Variants in ABCC8 observed in about 807,000 individuals in gnomAD.
ABCC8 encodes the protein ATP binding cassette subfamily C member 8.
In ABCC8, 137 loss-of-function variants were observed where a neutral mutation model predicts 188.0. The ratio of observed to expected loss-of-function variants is 0.73; its 90% CI spans 0.63 to 0.84. The LOEUF (loss-of-function observed/expected upper bound fraction) is 0.84. Ranked by LOEUF, ABCC8 falls within the 40% of genes least tolerant of loss-of-function variation. The pLI, the probability that ABCC8 is intolerant of heterozygous loss-of-function variation, is 0.00. For synonymous variants in ABCC8, 797 were observed against 846.5 expected, an observed-to-expected ratio of 0.94 and a Z score of 1.01; for missense variants, 1,750 against 2,072.7, an observed-to-expected ratio of 0.84 and a Z score of 3.02.
At chr11:17,406,843 C>T in intron 25 of ABCC8, 45 bp downstream of exon 25, 2 of 1,614,120 alleles carry the variant, frequency 1.2e-6, no homozygotes, top group Non-Finnish European at 8.5e-7. Context: ...CTCAGCCCTT[C>T]CCCCATCCCC....
At chr11:17,400,804 T>C (rs1954201771) in intron 29 of ABCC8, among the ~76,000 whole-genome samples, 1 of 152,242 alleles carries the variant, frequency 6.6e-6, no homozygotes, top group Admixed American at 6.5e-5. Context: ...TTCGTACCTA[T>C]GTTATGTGGT....
chr11:17,434,281 T>G (rs1955980541), intron 10 of ABCC8, among the ~76,000 whole-genome samples: 1 of 152,212 alleles, frequency 6.6e-6, no homozygotes, highest in East Asian at 1.9e-4. Context: ...TTCTGGGGCT[T>G]GACTCCCAGC....
At chr11:17,406,348 T>G in intron 26 of ABCC8, 1 of 506,418 alleles carries the variant, frequency 2.0e-6, no homozygotes, top group Non-Finnish European at 3.5e-6. Flanking sequence ...GAGAAAACAA[T>G]CTTTACTTGG....
In ABCC8 at chr11:17,414,791, T is replaced by G. The variant is rs376698763; in HGVS notation, c.2292-181A>C. 1.4e-5 allele frequency: 11 copies of G among 762,466 alleles called. No individual in the cohort carries two copies. In the East Asian group the frequency reaches 5.2e-4, roughly 36 times the overall value. The allele number at this position is 762,466 out of a possible 1,614,324, so 47.2% of individuals were successfully genotyped here. A position where few individuals can be genotyped will look rare whatever the true frequency, so the allele number is the denominator to read the frequency against. Reference sequence around the variant, plus strand: ...TTCCCCCAGGCAGGTTTGAGAGGTCTGGGTCTCAACTGACTGGGGCAGCAG... The same window carrying G: ...TTCCCCCAGGCAGGTTTGAGAGGTCGGGGTCTCAACTGACTGGGGCAGCAG... On this transcript the variant is annotated intron_variant, in intron 18 of 38. Transcript: ENST00000389817.
chr11:17,455,527 T>C (rs1435560243), intron 6 of ABCC8, among the ~76,000 whole-genome samples: 1 of 152,206 alleles, frequency 6.6e-6, no homozygotes, highest in African/African-American at 2.4e-5. Flanking sequence ...GAGAATTTTG[T>C]GACCTGTTAA....
intron 7 of ABCC8, among the ~76,000 whole-genome samples, chr11:17,450,306 CT>C (rs1175602646): frequency 3.1e-5 from 4 of 130,308 alleles, no homozygotes; most frequent in East Asian, 2.1e-4. Flanking sequence ...TTCTTTCTTT[CT>C]TTCTTTCTTT....
At position 17,394,388 on chromosome 11, in the gene ABCC8, T is replaced by C. The variant is rs954809177; in HGVS notation, c.4423A>G (p.Thr1475Ala). The C allele has an allele frequency of 6.2e-7, 1 of 1,614,016 alleles. No individual in the cohort carries two copies. The highest frequency in any genetic ancestry group is 8.5e-7 in the Non-Finnish European group (1 of 1,180,036). ...ALPGGLDAIITEGGENFSQGQ... is the reference protein window; with the variant it reads ...ALPGGLDAIIAEGGENFSQGQ... Reference sequence around the variant, plus strand: ...TGGCTGAAATTCTCCCCGCCTTCTGTGATGATGGCATCTGAAAACAGCCCG... The same window carrying C: ...TGGCTGAAATTCTCCCCGCCTTCTGCGATGATGGCATCTGAAAACAGCCCG... The change falls in exon 37 of 39, where the codon ACA becomes GCA. Residue 1475 changes from threonine to alanine, a missense_variant. Physicochemically the swap from Thr to Ala is moderately conservative, Grantham distance 58 (BLOSUM62 0). Coordinates refer to ENST00000389817, the MANE Select transcript of ABCC8 (RefSeq NM_000352.6).
At chr11:17,401,726 A>T (rs1033223640) in intron 29 of ABCC8, among the ~76,000 whole-genome samples, 1 of 152,118 alleles carries the variant, frequency 6.6e-6, no homozygotes, top group African/African-American at 2.4e-5. Context: ...TGGAAGAGAG[A>T]TGCCTCTGGA....
chr11:17,396,011 G>A (rs1256555325), intron 33 of ABCC8, 81 bp from the exon 34 acceptor site: 9 of 1,544,862 alleles, frequency 5.8e-6, no homozygotes, highest in Non-Finnish European at 7.9e-6. Flanking sequence ...GGGTGTGTGT[G>A]CAGGTGTGGG....
chr11:17,443,452 G>C (rs1956405333), intron 8 of ABCC8, 140 bp from the exon 9 acceptor site: 1 of 1,418,476 alleles, frequency 7.0e-7, no homozygotes, highest in African/African-American at 1.4e-5. Context: ...TTGGGGAGTG[G>C]AGTGCAGGGA....
chr11:17,448,541 G>C lies in ABCC8; in HGVS notation c.1307C>G (p.Pro436Arg). 6.2e-7 allele frequency: 1 copy of C among 1,614,076 alleles called. No individual in the cohort carries two copies. The highest frequency in any genetic ancestry group is 8.5e-7 in the Non-Finnish European group (1 of 1,179,990). Residue 436 changes from proline (P) to arginine (R), a missense_variant, in exon 8 of 39, where the codon CCA becomes CGA. By Grantham distance (103) the Pro-to-Arg change is moderately radical (BLOSUM62 -2). Coordinates refer to ENST00000389817, the MANE Select transcript of ABCC8 (RefSeq NM_000352.6). Reference protein sequence around the residue: ...NQLMWFFFLCPNLWAMPVQII... With the variant: ...NQLMWFFFLCRNLWAMPVQII... ...CTGTACTGGCATAGCCCAGAGGTTT[G>C]GGCACAAGAAGAAAAACCACATGAG...
chr11:17,418,191 T>C (rs1955172344), intron 16 of ABCC8, among the ~76,000 whole-genome samples: 1 of 152,162 alleles, frequency 6.6e-6, no homozygotes, highest in South Asian at 2.1e-4. Flanking sequence ...AGCTAGTAAG[T>C]AGCGGAGAAA....
intron 16 of ABCC8, among the ~76,000 whole-genome samples, chr11:17,424,844 T>A (rs533862337): frequency 1.4e-4 from 22 of 152,180 alleles, no homozygotes; most frequent in Non-Finnish European, 2.8e-4. Flanking sequence ...CACTGACTAG[T>A]AAGTCACCCA....
intron 16 of ABCC8, among the ~76,000 whole-genome samples, chr11:17,422,194 G>C (rs1241741598): frequency 1.3e-5 from 2 of 152,212 alleles, no homozygotes; most frequent in African/African-American, 4.8e-5. Context: ...AGGTGGGCCA[G>C]CCAGAGCAGT....
intron 7 of ABCC8, among the ~76,000 whole-genome samples, chr11:17,449,241 A>T (rs1956664405): frequency 6.6e-6 from 1 of 152,192 alleles, no homozygotes; most frequent in South Asian, 2.1e-4. Flanking sequence ...TTTATTTTTT[A>T]AAGCAGATCT....
At chr11:17,433,186 G>C (rs1045259390) in intron 10 of ABCC8, among the ~76,000 whole-genome samples, 1 of 152,130 alleles carries the variant, frequency 6.6e-6, no homozygotes, top group Non-Finnish European at 1.5e-5. Flanking sequence ...TTTCCAGAGA[G>C]AGCAGCCCCC....
At chr11:17,448,455 C>A in intron 8 of ABCC8, 61 bp downstream of exon 8, 1 of 1,477,888 alleles carries the variant, frequency 6.8e-7, no homozygotes, top group Non-Finnish European at 9.5e-7. Flanking sequence ...TGGCCATGGA[C>A]CAGCAGATTC....
intron 3 of ABCC8, among the ~76,000 whole-genome samples, 154 bp downstream of exon 3, chr11:17,469,947 C>G (rs1468351275): frequency 1.3e-5 from 2 of 152,198 alleles, no homozygotes; most frequent in Non-Finnish European, 2.9e-5. Flanking sequence ...CCTCCTTCAC[C>G]AGACTGTAAG....
chr11:17,443,999 T>G (rs779999737), intron 8 of ABCC8, among the ~76,000 whole-genome samples: 23 of 152,182 alleles, frequency 1.5e-4, no homozygotes, highest in Non-Finnish European at 3.2e-4. Flanking sequence ...AAAGAACAGA[T>G]GTGCTGGCTT....
Sources: gnomAD v4.1 joint callset for allele counts (sites outside exome capture counted in the v4.1 genomes callset) on GRCh38, gnomAD v4.1.1 for gene constraint, MANE v1.5 for transcripts, NCBI Gene and HGNC (gene_info 2026-07-23, HGNC 2026-07-21) for gene names.